Variants in TCERG1 observed in about 807,000 individuals in gnomAD.
TCERG1 encodes the protein TATA box binding protein (TBP)-associated factor, RNA polymerase II, S, 150kD.
In TCERG1, 37 loss-of-function variants were observed where a neutral mutation model predicts 144.7. The observed-to-expected ratio is 0.26, with a 90% CI of 0.20 to 0.34. TCERG1 has a LOEUF of 0.34. Among genes scored for constraint, TCERG1 ranks in the 10% least tolerant of loss-of-function variants. The pLI is 1.00. For missense variants in TCERG1, 1,027 were observed against 1,380.7 expected (o/e 0.74, Z 4.06); for synonymous variants, 492 against 458.2 (o/e 1.07, Z -0.94).
chr5:146,507,129 G>A lies in TCERG1; in HGVS notation c.2883G>A (p.Lys961=). 6.2e-7 allele frequency: 1 copy of A among 1,613,624 alleles called. No homozygotes were observed. The highest frequency in any genetic ancestry group is 8.5e-7 in the Non-Finnish European group (1 of 1,179,786). The part of the protein sequence containing the change: ...GSLLEREEKE[K]LFNEHIEALT... ...TATTGGAAAGAGAGGAGAAAGAGAAGCTTTTTAATGAACACATTGAAGCAC... is the reference window on the plus strand; with the variant it reads ...TATTGGAAAGAGAGGAGAAAGAGAAACTTTTTAATGAACACATTGAAGCAC... The change falls in exon 20 of 23, where the codon AAG becomes AAA. Residue 961 remains lysine, a synonymous_variant. Transcript: ENST00000679501. The surrounding 1 kb of genome is among the most constrained non-coding windows in gnomAD (Gnocchi z 4.6).
chr5:146,458,771 G>A (rs1003628715), intron 3 of TCERG1, 113 bp from the exon 4 acceptor site: 2 of 1,411,236 alleles, frequency 1.4e-6, no homozygotes, highest in East Asian at 4.8e-5. Flanking sequence ...GAGCCACCAC[G>A]CCTGGCCCTA....
intron 22 of TCERG1, 119 bp from the exon 23 acceptor site, chr5:146,510,318 TAAAA>T (rs546570760): frequency 7.7e-4 from 424 of 550,036 alleles, no homozygotes; most frequent in East Asian, 2.6e-3. Flanking sequence ...AAATTTTTCT[TAAAA>T]AAAAAAAAAA....
intron 16 of TCERG1, among the ~76,000 whole-genome samples, chr5:146,494,387 A>G (rs1766694232): frequency 6.6e-6 from 1 of 152,142 alleles, no homozygotes; most frequent in African/African-American, 2.4e-5. Context: ...AAAACTCCAT[A>G]TGGGTCTGTG....
intron 4 of TCERG1, among the ~76,000 whole-genome samples, chr5:146,461,587 A>AGAG (rs1763332255): frequency 1.3e-5 from 2 of 152,304 alleles, no homozygotes; most frequent in South Asian, 4.1e-4. Flanking sequence ...CTGGAAAGTA[A>AGAG]GAGGAATGGG....
intron 16 of TCERG1, among the ~76,000 whole-genome samples, chr5:146,498,285 CTT>C (rs1342542764): frequency 6.6e-6 from 1 of 151,556 alleles, no homozygotes; most frequent in South Asian, 2.1e-4. Flanking sequence ...TCTGTGATCT[CTT>C]TCTTTTTTTT....
At chr5:146,454,364 A>G (rs1332445459) in intron 1 of TCERG1, among the ~76,000 whole-genome samples, 1 of 152,026 alleles carries the variant, frequency 6.6e-6, no homozygotes, top group Non-Finnish European at 1.5e-5. Context: ...GATGATAATT[A>G]GTTTTGATCA....
chr5:146,509,506 T>A (rs1443661553), intron 22 of TCERG1, among the ~76,000 whole-genome samples: 9 of 145,722 alleles, frequency 6.2e-5, no homozygotes, highest in African/African-American at 1.5e-4. Context: ...TTTTTTTTTT[T>A]ACTTCACCGC....
Position 146,463,514 on chromosome 5 carries a change from A to G in TCERG1, c.893-37A>G, listed in dbSNP as rs201114306. 1.2e-4 allele frequency: 195 copies of G among 1,611,900 alleles called. 1 individual carries two copies. The highest frequency in any genetic ancestry group is 4.2e-4 in the Admixed American group (25 of 59,932). Reference sequence around the variant, plus strand: ...AATGAATATAGTAAAATGATTTATGAAGGAGTGATACATGTTTTTGTTTTA... The same window carrying G: ...AATGAATATAGTAAAATGATTTATGGAGGAGTGATACATGTTTTTGTTTTA... On this transcript the variant is annotated intron_variant, in intron 4 of 22. Transcript: ENST00000679501.
chr5:146,486,188 C>A (rs1765815688), intron 15 of TCERG1, among the ~76,000 whole-genome samples: 1 of 152,184 alleles, frequency 6.6e-6, no homozygotes, highest in Non-Finnish European at 1.5e-5. Flanking sequence ...TTTGTAATTT[C>A]ATATTTGCAG....
intron 5 of TCERG1, among the ~76,000 whole-genome samples, chr5:146,466,905 G>T (rs1763840151): frequency 6.6e-6 from 1 of 152,176 alleles, no homozygotes; most frequent in Admixed American, 6.5e-5. Flanking sequence ...ATATTCATAA[G>T]AATTGAATTT....
At position 146,457,255 on chromosome 5, in the gene TCERG1, C is replaced by T; in HGVS notation, c.358C>T (p.Pro120Ser). 6.2e-7 allele frequency: 1 copy of T among 1,614,136 alleles called. No homozygotes were observed. Among genetic ancestry groups the T allele is most frequent in the African/African-American group, 1.3e-5 (1 of 75,048 alleles). ...GGGTATGATGTTTCCACCAGGAATG[C>T]CTCCTGTGACTGCTCCTGGTACTCC... ...PPGMMFPPGM[P>S]PVTAPGTPAL... Residue 120 changes from proline to serine, a missense_variant, in exon 3 of 23, where the codon CCT becomes TCT. By Grantham distance (74) the Pro-to-Ser change is moderately conservative (BLOSUM62 -1). Around this residue, in one of 6 missense-constraint regions of TCERG1, gnomAD observed 175 missense variants for 197.0 expected, o/e 0.89. Transcript: ENST00000679501.
At chr5:146,502,999 C>G (rs2150871248) in intron 17 of TCERG1, 1 of 152,306 alleles carries the variant, frequency 6.6e-6, no homozygotes, top group South Asian at 2.1e-4. Context: ...AAGCCTGACT[C>G]TTAGCTAAAA....
intron 9 of TCERG1, among the ~76,000 whole-genome samples, chr5:146,471,900 A>G (rs1764350220): frequency 6.6e-6 from 1 of 152,054 alleles, no homozygotes; most frequent in Non-Finnish European, 1.5e-5. Flanking sequence ...CCCGGCCTCA[A>G]GTAGTAATTT....
Position 146,459,156 on chromosome 5 carries a change from C to T in TCERG1, c.711C>T (p.Ala237=), listed in dbSNP as rs1561640668. The T allele has an allele frequency of 3.1e-6, 5 of 1,612,404 alleles. No individual in the cohort carries two copies. The highest frequency in any genetic ancestry group is 1.3e-5 in the African/African-American group (1 of 74,804). ...CTCAGGCTCAGGCACAAGCTCAGGC[C>T]CAGGCCCAGGCTCAGGTCCAGGCCC... is the stretch of plus-strand genomic sequence containing the variant. ...AQAQAQAQAQ[A]QAQAQVQAQV... is the part of the protein sequence containing the mutation. The change falls in exon 4 of 23, where the codon GCC becomes GCT. Residue 237 remains alanine (A), a synonymous_variant. Coordinates refer to ENST00000679501, the MANE Select transcript of TCERG1 (RefSeq NM_001382548.1).
intron 3 of TCERG1, among the ~76,000 whole-genome samples, chr5:146,458,321 C>T (rs1157108724): frequency 5.3e-5 from 8 of 149,972 alleles, no homozygotes; most frequent in South Asian, 2.1e-4. Context: ...GGATTACAGG[C>T]GCCTGCCATC....
At position 146,511,249 on chromosome 5, in the gene TCERG1, T is replaced by G. The variant is rs935781649; in HGVS notation, c.*607T>G. ...TGTTTAGCCTAAGAGAAGATTTATG[T>G]AGTAATTTCTTCTCAGGTATGGAAC... is the stretch of plus-strand genomic sequence containing the variant. On this transcript the variant is annotated 3_prime_UTR_variant, in exon 23 of 23. Coordinates refer to ENST00000679501, the MANE Select transcript of TCERG1 (RefSeq NM_001382548.1). 2.6e-5 allele frequency: 4 copies of G among 152,680 alleles called. No individual in the cohort carries two copies. The highest frequency in any genetic ancestry group is 2.6e-4 in the Admixed American group (4 of 15,286). 9.5% of individuals were successfully genotyped at this position (152,680 alleles called of 1,614,324 possible).
chr5:146,493,108 A>G, intron 16 of TCERG1, 70 bp downstream of exon 16: 2 of 1,163,784 alleles, frequency 1.7e-6, no homozygotes, highest in South Asian at 3.1e-5. Context: ...TTAAAAATTA[A>G]AAAAATAGAT....
At chr5:146,458,776 G>A in intron 3 of TCERG1, 108 bp from the exon 4 acceptor site, 2 of 1,435,928 alleles carry the variant, frequency 1.4e-6, no homozygotes, top group Non-Finnish European at 1.9e-6. Context: ...ACCACGCCTG[G>A]CCCTACGTTA....
Position 146,459,104 on chromosome 5 carries a change from A to G in TCERG1, c.659A>G (p.Gln220Arg). ...QAQAQAQAQA[Q>R]AQAQAQAQAQ... Reference sequence around the variant, plus strand: ...CAGGCCCAGGCCCAGGCCCAGGCCCAGGCCCAAGCCCAAGCCCAGGCCCAG... The same window carrying G: ...CAGGCCCAGGCCCAGGCCCAGGCCCGGGCCCAAGCCCAAGCCCAGGCCCAG... The change falls in exon 4 of 23, where the codon CAG becomes CGG. Residue 220 changes from glutamine (Q) to arginine (R), a missense_variant. By Grantham distance (43) the Gln-to-Arg change is conservative. This residue lies in a region of TCERG1 where 187 missense variants were observed against 169.1 expected (regional missense o/e 1.11). Coordinates refer to ENST00000679501, the MANE Select transcript of TCERG1 (RefSeq NM_001382548.1). The G allele has an allele frequency of 2.5e-6, 4 of 1,595,966 alleles. No individual in the cohort carries two copies. The highest frequency in any genetic ancestry group is 1.1e-5 in the South Asian group (1 of 90,322).
Sources: gnomAD v4.1 joint callset for allele counts (sites outside exome capture counted in the v4.1 genomes callset) on GRCh38, gnomAD v4.1.1 for gene constraint, gnomAD v4.1.1 regional missense constraint, Gnocchi (gnomAD v3.1) non-coding constraint, MANE v1.5 for transcripts, NCBI Gene and HGNC (gene_info 2026-07-23, HGNC 2026-07-21) for gene names.